EXOC6B: variants seen among roughly 807,000 people sequenced by gnomAD.
EXOC6B encodes SEC15 homolog B.
EXOC6B carries 54 observed loss-of-function variants against 113.5 expected under a neutral mutation model. The observed-to-expected ratio is 0.48, with a 90% CI of 0.38 to 0.60. The LOEUF (loss-of-function observed/expected upper bound fraction) is 0.60, where lower values mean the gene tolerates loss of function less well. Among genes scored for constraint, EXOC6B ranks in the 20% least tolerant of loss-of-function variants. EXOC6B has a pLI of 0.00. For synonymous variants in EXOC6B, 357 were observed against 339.0 expected (o/e 1.05, Z -0.58); for missense variants, 797 against 977.5 (o/e 0.82, Z 2.46).
chr2:72,480,599 C>CT lies in EXOC6B; in HGVS notation c.1800+16dup, dbSNP rs1558713003. Reference sequence around the variant, plus strand: ...GTACACCAGAAGCAGTTCCACAGTACTGTAGGGCCCTCTCACCTTAAAAGT... The same window carrying CT: ...GTACACCAGAAGCAGTTCCACAGTACTTGTAGGGCCCTCTCACCTTAAAAGT... On this transcript the variant is annotated intron_variant, in intron 17 of 21. Coordinates refer to ENST00000272427, the MANE Select transcript of EXOC6B (RefSeq NM_015189.3). 6.4e-7 allele frequency: 1 copy of CT among 1,569,366 alleles called. No homozygotes were observed. Among genetic ancestry groups the CT allele is most frequent in the Middle Eastern group, 1.7e-4 (1 of 6,014 alleles).
At chr2:72,469,982 G>A (rs866258480) in intron 17 of EXOC6B, among the ~76,000 whole-genome samples, 5 of 151,850 alleles carry the variant, frequency 3.3e-5, no homozygotes, top group African/African-American at 1.2e-4. Flanking sequence ...AATCATTCAC[G>A]CATTCCTAAC....
At chr2:72,644,162 A>G (rs1408907014) in intron 6 of EXOC6B, among the ~76,000 whole-genome samples, 1 of 152,212 alleles carries the variant, frequency 6.6e-6, no homozygotes, top group African/African-American at 2.4e-5. Context: ...ACAAACCTCA[A>G]TAGCCAATTC....
chr2:72,449,604 G>T (rs2105356901), intron 18 of EXOC6B, among the ~76,000 whole-genome samples: 1 of 150,966 alleles, frequency 6.6e-6, no homozygotes, highest in East Asian at 1.9e-4. Flanking sequence ...TCATAGATAA[G>T]AAAAATACAA....
chr2:72,601,106 ATATATATGTGTGTGTG>A, intron 6 of EXOC6B, among the ~76,000 whole-genome samples: 1 of 148,780 alleles, frequency 6.7e-6, no homozygotes, highest in Admixed American at 6.8e-5. Flanking sequence ...GGCTACATAT[ATATATATGTGTGTGTG>A]TATGTGTGTG....
chr2:72,640,612 G>A (rs575382130), intron 6 of EXOC6B, among the ~76,000 whole-genome samples: 3 of 152,220 alleles, frequency 2.0e-5, no homozygotes, highest in East Asian at 3.9e-4. Flanking sequence ...CAGCTGGAGA[G>A]AAAAGGTCAC....
intron 20 of EXOC6B, among the ~76,000 whole-genome samples, chr2:72,328,307 C>A (rs1358693023): frequency 6.6e-6 from 1 of 152,132 alleles, no homozygotes; most frequent in South Asian, 2.1e-4. Context: ...AAAATGTCTT[C>A]TCTGAAAGTC....
intron 6 of EXOC6B, among the ~76,000 whole-genome samples, chr2:72,669,750 T>C (rs377394326): frequency 1.2e-4 from 19 of 152,336 alleles, no homozygotes; most frequent in African/African-American, 3.6e-4. Context: ...ATAATTAGTA[T>C]GGTAGCCAGG....
At chr2:72,670,046 A>G (rs1188035187) in intron 6 of EXOC6B, among the ~76,000 whole-genome samples, 1 of 152,218 alleles carries the variant, frequency 6.6e-6, no homozygotes, top group Non-Finnish European at 1.5e-5. Flanking sequence ...ATAACTCTAC[A>G]AAAGTTGCTC....
intron 1 of EXOC6B, among the ~76,000 whole-genome samples, chr2:72,795,395 G>A (rs894141355): frequency 2.6e-5 from 4 of 152,090 alleles, no homozygotes; most frequent in Non-Finnish European, 4.4e-5. Context: ...CTAACATGGT[G>A]AAACCCCATC....
chr2:72,424,675 G>A (rs1402742596), intron 18 of EXOC6B, among the ~76,000 whole-genome samples: 1 of 151,972 alleles, frequency 6.6e-6, no homozygotes, highest in Non-Finnish European at 1.5e-5. Context: ...TTTCCTTGAA[G>A]TATGACGCTA....
rs545456585 is a variant in EXOC6B, at chr2:72,462,509, G to A, written c.1980+2651C>T. On this transcript the variant is annotated intron_variant, in intron 18 of 21. Transcript: ENST00000272427. ...TGTGGGGGAGGGCACAAAAATTTCA[G>A]AAGTGATTACATCACTCATTAATTG... 2.6e-5 allele frequency: 4 copies of A among 152,006 alleles called. No homozygotes were observed. In the East Asian group the frequency reaches 7.7e-4, roughly 29 times the overall value. The allele number at this position is 152,006 out of a possible 1,614,324, so 9.4% of individuals were successfully genotyped here.
chr2:72,446,833 G>A lies in EXOC6B; in HGVS notation c.1980+18327C>T, dbSNP rs113014771. ...CTAACAGAATTTAAGAATGTTGGCT[G>A]GGCACAGTGGCTCACGCCAGAACTT... On this transcript the variant is annotated intron_variant, in intron 18 of 21. Transcript: ENST00000272427. 4.6e-3 allele frequency among the ~76,000 whole-genome samples: 699 copies of A among 152,286 alleles called. 2 individuals are homozygous for A. Among genetic ancestry groups the A allele is most frequent in the Non-Finnish European group, 8.1e-3 (550 of 68,024 alleles).
At chr2:72,511,198 C>T (rs1700876697) in intron 11 of EXOC6B, among the ~76,000 whole-genome samples, 1 of 151,902 alleles carries the variant, frequency 6.6e-6, no homozygotes, top group South Asian at 2.1e-4. Flanking sequence ...ATGACATATC[C>T]TCTTTGGATC....
chr2:72,318,290 AATC>A (rs549474591), intron 20 of EXOC6B, among the ~76,000 whole-genome samples: 109 of 152,340 alleles, frequency 7.2e-4, no homozygotes, highest in African/African-American at 2.5e-3. Context: ...AAAAGGCAAG[AATC>A]ATCATTTCTA....
intron 20 of EXOC6B, among the ~76,000 whole-genome samples, chr2:72,306,413 T>A (rs1360024857): frequency 1.3e-5 from 2 of 152,218 alleles, no homozygotes; most frequent in African/African-American, 4.8e-5. Flanking sequence ...AACATTACTT[T>A]GTTGTACATT....
intron 18 of EXOC6B, among the ~76,000 whole-genome samples, chr2:72,421,522 G>A (rs1300805183): frequency 4.6e-5 from 7 of 152,120 alleles, no homozygotes; most frequent in Non-Finnish European, 7.3e-5. Context: ...ATGACTAATT[G>A]ACATTTTACA....
intron 6 of EXOC6B, among the ~76,000 whole-genome samples, chr2:72,585,198 T>C (rs1324536148): frequency 1.3e-5 from 2 of 151,934 alleles, no homozygotes; most frequent in African/African-American, 4.8e-5. Flanking sequence ...ATACAAAAGA[T>C]CAATGAAATT....
intron 18 of EXOC6B, among the ~76,000 whole-genome samples, chr2:72,440,932 CAA>C (rs1696161082): frequency 6.6e-6 from 1 of 151,872 alleles, no homozygotes; most frequent in Non-Finnish European, 1.5e-5. Context: ...AAAAAAAAGA[CAA>C]AGATGGGCAT....
At chr2:72,538,407 A>G (rs1222114938) in intron 8 of EXOC6B, among the ~76,000 whole-genome samples, 1 of 152,226 alleles carries the variant, frequency 6.6e-6, no homozygotes, top group Non-Finnish European at 1.5e-5. Flanking sequence ...TCTGGTAACC[A>G]CAGTAAAAAA....
Sources: allele counts gnomAD v4.1 joint callset (sites outside exome capture counted in the v4.1 genomes callset), GRCh38; gene constraint gnomAD v4.1.1; transcripts MANE v1.5; gene names NCBI Gene and HGNC (gene_info 2026-07-23, HGNC 2026-07-21).